The following EFCAB5 variants were observed in gnomAD, a reference collection of about 807,000 sequenced individuals.
The protein encoded by EFCAB5 is EF-hand calcium binding domain 5.
Under a neutral mutation model 167.9 loss-of-function variants are expected in EFCAB5, and 131 were observed. The ratio of observed to expected loss-of-function variants is 0.78; its 90% CI spans 0.68 to 0.90. The LOEUF is 0.90. Ranked by LOEUF, EFCAB5 falls within the 40% of genes least tolerant of loss-of-function variation. The pLI is 0.00. For synonymous variants in EFCAB5, 574 were observed against 602.8 expected, an observed-to-expected ratio of 0.95 and a Z score of 0.70; for missense variants, 1,663 against 1,745.2, an observed-to-expected ratio of 0.95 and a Z score of 0.84.
intron 8 of EFCAB5, among the ~76,000 whole-genome samples, chr17:30,035,671 G>A (rs2069596397): frequency 6.6e-6 from 1 of 152,132 alleles, no homozygotes; most frequent in Non-Finnish European, 1.5e-5. Flanking sequence ...AGTCTTATAA[G>A]AGTTATTCTA....
intron 3 of EFCAB5, among the ~76,000 whole-genome samples, chr17:29,967,269 A>G (rs972329612): frequency 1.3e-5 from 2 of 152,192 alleles, no homozygotes; most frequent in Non-Finnish European, 1.5e-5. Context: ...ACTGTTTTCT[A>G]TAGTCTGATG....
intron 3 of EFCAB5, among the ~76,000 whole-genome samples, chr17:29,968,150 A>C (rs2067871945): frequency 6.6e-6 from 1 of 152,170 alleles, no homozygotes; most frequent in African/African-American, 2.4e-5. Context: ...TGTTGGGATT[A>C]CAAATGTGAG....
At chr17:30,083,501 C>A (rs2071029989) in intron 18 of EFCAB5, among the ~76,000 whole-genome samples, 1 of 152,218 alleles carries the variant, frequency 6.6e-6, no homozygotes, top group African/African-American at 2.4e-5. Context: ...GTTGCCCAGG[C>A]TGGAGTGCAA....
chr17:30,036,193 A>G (rs1233979245), intron 8 of EFCAB5, among the ~76,000 whole-genome samples: 1 of 142,420 alleles, frequency 7.0e-6, no homozygotes, highest in Non-Finnish European at 1.5e-5. Context: ...GTATAAATAT[A>G]TCTTATAATA....
intron 3 of EFCAB5, among the ~76,000 whole-genome samples, chr17:29,946,468 G>A (rs2067401587): frequency 8.3e-6 from 1 of 120,262 alleles, no homozygotes; most frequent in Admixed American, 1.2e-4. Flanking sequence ...ACAGAGTCTC[G>A]CTCTGTCACC....
At chr17:30,087,599 T>C (rs576256739) in intron 19 of EFCAB5, among the ~76,000 whole-genome samples, 2 of 152,300 alleles carry the variant, frequency 1.3e-5, no homozygotes, top group South Asian at 2.1e-4. Context: ...GTTCCATCCA[T>C]GTCCCTGCAA....
chr17:30,025,810 A>C (rs2069303499), intron 7 of EFCAB5, among the ~76,000 whole-genome samples: 1 of 152,202 alleles, frequency 6.6e-6, no homozygotes, highest in African/African-American at 2.4e-5. Context: ...AAAATGTGGC[A>C]CATATACACC....
Position 30,090,427 on chromosome 17 carries a change from C to T in EFCAB5, c.3690C>T (p.Phe1230=), listed in dbSNP as rs774125405. Residue 1230 remains phenylalanine (F), a synonymous_variant, in exon 20 of 23, where the codon TTC becomes TTT. Coordinates refer to ENST00000394835, the MANE Select transcript of EFCAB5 (RefSeq NM_198529.4). Reference sequence around the variant, plus strand: ...TATTTGGTTTTGATTTCAGAGATTTCCTCTTTAAATGTACTGACAGTTCAG... The same window carrying T: ...TATTTGGTTTTGATTTCAGAGATTTTCTCTTTAAATGTACTGACAGTTCAG... The part of the protein sequence containing the change: ...IHRKSCIFRD[F]LFKCTDSSEV... 10 of 1,610,328 alleles carry T rather than the reference C, an allele frequency of 6.2e-6. No homozygotes were observed. The highest frequency in any genetic ancestry group is 3.3e-4 in the Middle Eastern group (2 of 6,048).
At chr17:29,993,917 G>A (rs1039012400) in intron 5 of EFCAB5, among the ~76,000 whole-genome samples, 5 of 151,342 alleles carry the variant, frequency 3.3e-5, no homozygotes, top group African/African-American at 9.7e-5. Flanking sequence ...CCAGGAATTC[G>A]AGACCAGCCT....
intron 4 of EFCAB5, among the ~76,000 whole-genome samples, chr17:29,973,398 A>T (rs1003665820): frequency 2.0e-5 from 3 of 152,192 alleles, no homozygotes; most frequent in African/African-American, 7.2e-5. Flanking sequence ...TATGTAATTT[A>T]AAAAATGAGT....
chr17:30,080,086 T>G lies in EFCAB5; in HGVS notation c.3042T>G (p.His1014Gln). 1 of 1,607,816 alleles carries G rather than the reference T, an allele frequency of 6.2e-7. No homozygotes were observed. Among genetic ancestry groups the G allele is most frequent in the Non-Finnish European group, 8.5e-7 (1 of 1,177,820 alleles). Residue 1014 changes from histidine (H) to glutamine (Q), a missense_variant, in exon 16 of 23, where the codon CAT becomes CAG. Physicochemically the swap from His to Gln is conservative, Grantham distance 24. Coordinates refer to ENST00000394835, the MANE Select transcript of EFCAB5 (RefSeq NM_198529.4). ...TTTTGCTGTAGGATGCTGAAGCCCATGGAAATAAAAAGATCAGTGCTCACA... is the reference window on the plus strand; with the variant it reads ...TTTTGCTGTAGGATGCTGAAGCCCAGGGAAATAAAAAGATCAGTGCTCACA... ...FKALMQDAEA[H>Q]GNKKISAHIS...
rs1478319256 is a variant in EFCAB5 at position 30,091,928 on chromosome 17, T to C, written c.3995T>C (p.Leu1332Pro). Residue 1332 changes from leucine (L) to proline (P), a missense_variant, in exon 21 of 23, where the codon CTG becomes CCG. By Grantham distance (98) the Leu-to-Pro change is moderately conservative. Transcript: ENST00000394835. Reference protein sequence around the residue: ...RAGILFFRIMLLELQESIQLL... With the variant: ...RAGILFFRIMPLELQESIQLL... ...GGAATTCTCTTCTTCCGAATCATGCTGCTCGAGCTACAGGAAAGCATCCAA... is the reference window on the plus strand; with the variant it reads ...GGAATTCTCTTCTTCCGAATCATGCCGCTCGAGCTACAGGAAAGCATCCAA... The C allele has an allele frequency of 3.7e-5, 60 of 1,614,062 alleles. No individual in the cohort carries two copies. The Middle Eastern group carries it at 4.9e-4, about 13-fold the overall frequency.
chr17:30,094,507 C>CAAAAAAA (rs57885339), intron 22 of EFCAB5, among the ~76,000 whole-genome samples: 1 of 40,704 alleles, frequency 2.5e-5, no homozygotes, highest in African/African-American at 6.6e-5. Context: ...CTTGTCTCTC[C>CAAAAAAA]AAAAAAAAAA....
chr17:30,080,149 A>G lies in EFCAB5; in HGVS notation c.3105A>G (p.Lys1035=), dbSNP rs867718341. The part of the protein sequence containing the change: ...LLEENLLLPE[K]GNVLLRNVAC... ...AAGAAAACCTACTACTGCCTGAGAAAGGGAATGTTCTATTGAGGAATGTGG... is the reference window on the plus strand; with the variant it reads ...AAGAAAACCTACTACTGCCTGAGAAGGGGAATGTTCTATTGAGGAATGTGG... The change falls in exon 16 of 23, where the codon AAA becomes AAG. Residue 1035 remains lysine (K), a synonymous_variant. Coordinates refer to ENST00000394835, the MANE Select transcript of EFCAB5 (RefSeq NM_198529.4). The G allele has an allele frequency of 3.1e-6, 5 of 1,613,840 alleles. No individual in the cohort carries two copies. The highest frequency in any genetic ancestry group is 3.3e-4 in the Middle Eastern group (2 of 6,084).
chr17:29,971,385 C>T (rs1242902158), intron 4 of EFCAB5, among the ~76,000 whole-genome samples: 1 of 152,140 alleles, frequency 6.6e-6, no homozygotes, highest in Non-Finnish European at 1.5e-5. Flanking sequence ...CTACTACCTC[C>T]AATACAATAT....
intron 4 of EFCAB5, among the ~76,000 whole-genome samples, chr17:29,992,744 T>A (rs1017017984): frequency 2.0e-5 from 3 of 152,216 alleles, no homozygotes; most frequent in Non-Finnish European, 4.4e-5. Flanking sequence ...AGTGTCACAG[T>A]GAACATGGAA....
intron 3 of EFCAB5, among the ~76,000 whole-genome samples, chr17:29,963,827 A>T (rs1225089528): frequency 6.6e-6 from 1 of 152,110 alleles, no homozygotes; most frequent in East Asian, 1.9e-4. Flanking sequence ...TTTTTGGGTT[A>T]TGGGGTGGAT....
intron 22 of EFCAB5, among the ~76,000 whole-genome samples, chr17:30,099,326 G>A (rs766301251): frequency 2.0e-5 from 3 of 152,200 alleles, no homozygotes; most frequent in South Asian, 2.1e-4. Flanking sequence ...GCATATGCCT[G>A]TAGTTCCAGC....
intron 10 of EFCAB5, among the ~76,000 whole-genome samples, chr17:30,055,497 C>G (rs114417708): frequency 1.2e-3 from 185 of 152,282 alleles, no homozygotes; most frequent in African/African-American, 4.3e-3. Flanking sequence ...AAAAGAAATT[C>G]ATGCTACTTT....
Sources: allele counts gnomAD v4.1 joint callset (sites outside exome capture counted in the v4.1 genomes callset), GRCh38; gene constraint gnomAD v4.1.1; transcripts MANE v1.5; gene names NCBI Gene and HGNC (gene_info 2026-07-23, HGNC 2026-07-21).